Variants in SLC39A11 observed in about 807,000 individuals in gnomAD.
SLC39A11 encodes zinc transporter ZIP11.
SLC39A11 carries 33 observed loss-of-function variants against 36.1 expected under a neutral mutation model. The observed-to-expected ratio is 0.91, with a 90% CI of 0.69 to 1.22. The LOEUF (loss-of-function observed/expected upper bound fraction) is 1.22, where lower values mean the gene tolerates loss of function less well. Among genes scored for constraint, SLC39A11 ranks in the 50% most tolerant of loss-of-function variants. SLC39A11 has a pLI of 0.00. For missense variants in SLC39A11, 432 were observed against 430.3 expected (o/e 1.00, Z -0.03); for synonymous variants, 166 against 170.3 (o/e 0.97, Z 0.20).
intron 4 of SLC39A11, among the ~76,000 whole-genome samples, chr17:72,961,811 A>C (rs2086632919): frequency 1.3e-5 from 2 of 152,234 alleles, no homozygotes; most frequent in Non-Finnish European, 2.9e-5. Context: ...TGGGTGCAGC[A>C]AACCACCATG....
chr17:72,849,619 C>A lies in SLC39A11; in HGVS notation c.601+15G>T. On this transcript the variant is annotated intron_variant, in intron 6 of 9. Transcript: ENST00000255559. ...CTTCAGGCAGTGGCTGTCACGCTCA[C>A]GGGCAAGACCTCACCTGGAACGTTG... 2 of 1,464,600 alleles carry A rather than the reference C, an allele frequency of 1.4e-6. No homozygotes were observed. The highest frequency in any genetic ancestry group is 1.8e-6 in the Non-Finnish European group (2 of 1,102,338). The allele number at this position is 1,464,600 out of a possible 1,614,324, so 90.7% of individuals were successfully genotyped here. A position where few individuals can be genotyped will look rare whatever the true frequency, so the allele number is the denominator to read the frequency against.
intron 6 of SLC39A11, among the ~76,000 whole-genome samples, chr17:72,805,258 C>G (rs1431824622): frequency 1.3e-5 from 2 of 152,130 alleles, no homozygotes; most frequent in African/African-American, 4.8e-5. Context: ...TACTTCCATC[C>G]TATGTAATCC....
intron 7 of SLC39A11, among the ~76,000 whole-genome samples, chr17:72,719,355 A>C (rs1207629919): frequency 6.6e-6 from 1 of 152,182 alleles, no homozygotes; most frequent in Non-Finnish European, 1.5e-5. Context: ...GCGAGGACTG[A>C]GCAATGCATG....
chr17:73,023,467 G>A (rs1033039328), intron 4 of SLC39A11, among the ~76,000 whole-genome samples: 2 of 151,990 alleles, frequency 1.3e-5, no homozygotes, highest in African/African-American at 4.8e-5. Context: ...CAATCAAAAT[G>A]GTGCTGGTTT....
rs1379754365 is a variant in SLC39A11, at chr17:72,985,482, G to C, written c.307-37607C>G. Among the ~76,000 whole-genome samples the C allele has an allele frequency of 3.1e-5, 4 of 129,606 alleles. No individual in the cohort carries two copies. The East Asian group carries it at 9.0e-4, about 29-fold the overall frequency. The allele number at this position is 129,606 out of a possible 152,430, so 85.0% of individuals were successfully genotyped here. A position where few individuals can be genotyped will look rare whatever the true frequency, so the allele number is the denominator to read the frequency against. On this transcript the variant is annotated intron_variant, in intron 4 of 9. Transcript: ENST00000255559. Reference sequence around the variant, plus strand: ...GGCTGGAGTGCAGGGGCGCCATCTCGGCTCACTGCAACCTCCACCTCCCAG... The same window carrying C: ...GGCTGGAGTGCAGGGGCGCCATCTCCGCTCACTGCAACCTCCACCTCCCAG...
In SLC39A11 at chr17:73,088,697, G is replaced by A. The variant is rs1332752389; in HGVS notation, c.68C>T (p.Ala23Val). The A allele has an allele frequency of 6.2e-7, 1 of 1,612,836 alleles. No individual in the cohort carries two copies. Residue 23 changes from alanine (A) to valine (V), a missense_variant, in exon 2 of 10, where the codon GCA (alanine) becomes GTA (valine). Transcript: ENST00000255559. ...TACGAACACGAGAGCTGCCCCAGCT[G>A]CTGTCATCCCCCAGGTGAAGAAGGT... is the stretch of plus-strand genomic sequence containing the variant. ...LGTFFTWGMT[A>V]AGAALVFVFS...
intron 5 of SLC39A11, among the ~76,000 whole-genome samples, chr17:72,888,026 A>T (rs546953495): frequency 2.0e-5 from 3 of 152,248 alleles, no homozygotes; most frequent in Non-Finnish European, 4.4e-5. Context: ...CATTATTTCT[A>T]AAAACAAAAC....
intron 5 of SLC39A11, among the ~76,000 whole-genome samples, chr17:72,857,763 T>C (rs114255501): frequency 0.013 from 1,940 of 152,316 alleles, 53 homozygotes; most frequent in African/African-American, 0.041. Context: ...TTCATATGCT[T>C]GTTGGCCACA....
intron 7 of SLC39A11, among the ~76,000 whole-genome samples, chr17:72,664,772 G>A (rs180894786): frequency 8.5e-5 from 13 of 152,236 alleles, no homozygotes; most frequent in Non-Finnish European, 1.6e-4. Flanking sequence ...CATGCCCTCC[G>A]TTCTCTTCTT....
At chr17:72,883,241 C>T (rs1324122568) in intron 5 of SLC39A11, among the ~76,000 whole-genome samples, 1 of 152,162 alleles carries the variant, frequency 6.6e-6, no homozygotes, top group Non-Finnish European at 1.5e-5. Flanking sequence ...GCAGAGCAGG[C>T]CTCCTACTGT....
At chr17:72,983,497 G>T (rs772817935) in intron 4 of SLC39A11, among the ~76,000 whole-genome samples, 11 of 152,184 alleles carry the variant, frequency 7.2e-5, no homozygotes, top group Non-Finnish European at 1.3e-4. Flanking sequence ...AACATATATG[G>T]ATGTGCTAAG....
chr17:72,777,947 C>G (rs116615215), intron 6 of SLC39A11, among the ~76,000 whole-genome samples: 1 of 152,024 alleles, frequency 6.6e-6, no homozygotes, highest in Non-Finnish European at 1.5e-5. Context: ...CTCTGTCATC[C>G]GGGCTGGAGT....
chr17:72,874,006 G>A lies in SLC39A11; in HGVS notation c.431-24202C>T, dbSNP rs544661515. ...TGAAGAGGTGCCTTCCACCATGACT[G>A]TAAGCTTCCTGAGGCCTCCCCAGGC... On this transcript the variant is annotated intron_variant, in intron 5 of 9. Coordinates refer to ENST00000255559, the MANE Select transcript of SLC39A11 (RefSeq NM_139177.4). Among the ~76,000 whole-genome samples the A allele has an allele frequency of 3.9e-4, 59 of 152,250 alleles. No individual in the cohort carries two copies. The South Asian group carries it at 0.011, about 27-fold the overall frequency.
At chr17:72,829,756 C>T (rs1451095500) in intron 6 of SLC39A11, among the ~76,000 whole-genome samples, 2 of 152,152 alleles carry the variant, frequency 1.3e-5, no homozygotes, top group East Asian at 1.9e-4. Context: ...GCCCCCATGG[C>T]ACTCACACCC....
At chr17:72,962,893 C>T (rs1179843803) in intron 4 of SLC39A11, among the ~76,000 whole-genome samples, 1 of 152,132 alleles carries the variant, frequency 6.6e-6, no homozygotes, top group Non-Finnish European at 1.5e-5. Context: ...CCATAAAGAG[C>T]TGGCTATATG....
chr17:72,682,640 CT>C (rs1057345693), intron 7 of SLC39A11, among the ~76,000 whole-genome samples: 27 of 152,196 alleles, frequency 1.8e-4, no homozygotes, highest in African/African-American at 6.3e-4. Context: ...CTATGAGAAA[CT>C]CACTGACCCC....
intron 7 of SLC39A11, among the ~76,000 whole-genome samples, chr17:72,694,021 G>A (rs2072166962): frequency 6.6e-6 from 1 of 152,154 alleles, no homozygotes; most frequent in South Asian, 2.1e-4. Flanking sequence ...AGGGGACAGA[G>A]TCCTCTCCTT....
At chr17:72,871,058 T>C (rs2080592916) in intron 5 of SLC39A11, among the ~76,000 whole-genome samples, 1 of 40,662 alleles carries the variant, frequency 2.5e-5, no homozygotes, top group Non-Finnish European at 4.0e-5. Context: ...TTGTTTTTGT[T>C]TTTTTTTTTT....
chr17:72,956,311 T>C (rs1333450594), intron 4 of SLC39A11, among the ~76,000 whole-genome samples: 1 of 152,194 alleles, frequency 6.6e-6, no homozygotes, highest in Non-Finnish European at 1.5e-5. Flanking sequence ...ATCAAGCGTA[T>C]TTAAGCACAT....
Sources: allele counts gnomAD v4.1 joint callset (sites outside exome capture counted in the v4.1 genomes callset), GRCh38; gene constraint gnomAD v4.1.1; transcripts MANE v1.5; gene names NCBI Gene and HGNC (gene_info 2026-07-23, HGNC 2026-07-21).